The following SHISA9 variants were observed in gnomAD, a reference collection of about 807,000 sequenced individuals.
SHISA9 encodes the protein protein shisa-9.
A neutral mutation model predicts 38.0 loss-of-function variants in SHISA9; 13 were observed. The ratio of observed to expected loss-of-function variants is 0.34; its 90% confidence interval spans 0.22 to 0.54. The LOEUF (loss-of-function observed/expected upper bound fraction) is 0.54. Ranked by LOEUF, SHISA9 falls within the 20% of genes least tolerant of loss-of-function variation. The probability of loss-of-function intolerance (pLI) is 0.91; values close to 1 mark genes in which losing one functional copy is unlikely to be tolerated. For synonymous variants in SHISA9, 275 were observed against 242.0 expected (o/e 1.14, Z -1.27); for missense variants, 538 against 575.8 (o/e 0.93, Z 0.67).
the SHISA9 span, among the ~76,000 whole-genome samples, chr16:13,285,261 T>C: frequency 6.6e-6 from 1 of 152,190 alleles, no homozygotes; most frequent in East Asian, 1.9e-4. Context: ...CATGATTTGT[T>C]TACTGTACTT....
At position 13,002,989 on chromosome 16, in the gene SHISA9, C is replaced by A. The variant is rs147137714; in HGVS notation, c.691+86174C>A. On this transcript the variant is annotated intron_variant, in intron 2 of 4. Transcript: ENST00000558583. ...TGAACATTAGAGATGGGAAGGCCAT[C>A]AAAAAAAAGCTTCCTTAAGATGATA... 4.8e-3 allele frequency among the ~76,000 whole-genome samples: 724 copies of A among 151,726 alleles called. 17 individuals are homozygous for A. Among genetic ancestry groups the A allele is most frequent in the Admixed American group, 0.039 (602 of 15,242 alleles).
chr16:13,062,244 G>A (rs868678042), intron 2 of SHISA9, among the ~76,000 whole-genome samples: 1 of 152,094 alleles, frequency 6.6e-6, no homozygotes, highest in Admixed American at 6.5e-5. Flanking sequence ...GGAGTCCTGT[G>A]TCTCTAGTTG....
At chr16:13,435,681 C>T in the SHISA9 span, among the ~76,000 whole-genome samples, 43 of 152,304 alleles carry the variant, frequency 2.8e-4, no homozygotes, top group South Asian at 4.1e-4. Flanking sequence ...TCTGCCCACA[C>T]GCAGCAAGCC....
In SHISA9 at chr16:13,235,319, C is replaced by A; in HGVS notation, c.1185C>A (p.Gly395=). ...NKGKLGTAET[G]SSDPLGTRPQ... is the part of the protein sequence containing the mutation. ...GCAAGCTTGGCACGGCCGAGACAGG[C>A]TCCAGCGACCCCTTGGGAACTCGCC... The change falls in exon 5 of 5, where the codon GGC becomes GGA. Residue 395 remains glycine, a synonymous_variant. Coordinates refer to ENST00000558583, the MANE Select transcript of SHISA9 (RefSeq NM_001145204.3). 2 of 1,549,234 alleles carry A rather than the reference C, an allele frequency of 1.3e-6. No individual in the cohort carries two copies. The highest frequency in any genetic ancestry group is 1.7e-6 in the Non-Finnish European group (2 of 1,146,998).
chr16:13,453,499 G>A, the SHISA9 span, among the ~76,000 whole-genome samples: 1 of 152,116 alleles, frequency 6.6e-6, no homozygotes, highest in Non-Finnish European at 1.5e-5. Context: ...CCCTGCCATG[G>A]TCATGAGAAC....
chr16:13,178,117 C>G (rs1445076056), intron 2 of SHISA9, among the ~76,000 whole-genome samples: 1 of 152,168 alleles, frequency 6.6e-6, no homozygotes, highest in Non-Finnish European at 1.5e-5. Flanking sequence ...GGTGCTTGAA[C>G]TTGAAGAACA....
chr16:13,172,703 C>A (rs1161388517), intron 2 of SHISA9, among the ~76,000 whole-genome samples: 3 of 149,764 alleles, frequency 2.0e-5, no homozygotes, highest in African/African-American at 7.4e-5. Context: ...GTACCAAGAA[C>A]AATCATATGA....
chr16:13,200,445 A>ACACACAC (rs1444256867), intron 2 of SHISA9, among the ~76,000 whole-genome samples: 154 of 100,848 alleles, frequency 1.5e-3, no homozygotes, highest in African/African-American at 5.8e-3. Context: ...CACACACAGC[A>ACACACAC]GCAGCAGCAG....
chr16:13,055,594 A>G (rs375113850), intron 2 of SHISA9, among the ~76,000 whole-genome samples: 10 of 152,242 alleles, frequency 6.6e-5, no homozygotes, highest in African/African-American at 2.2e-4. Context: ...ACTTTGTCAG[A>G]CCCATTGAAG....
intron 2 of SHISA9, among the ~76,000 whole-genome samples, chr16:13,169,299 A>G (rs1415201372): frequency 6.6e-6 from 1 of 152,228 alleles, no homozygotes; most frequent in Non-Finnish European, 1.5e-5. Flanking sequence ...AGTGAAAACA[A>G]CACCATTTGC....
chr16:13,072,102 G>A (rs201821363), intron 2 of SHISA9, among the ~76,000 whole-genome samples: 6 of 152,332 alleles, frequency 3.9e-5, no homozygotes, highest in East Asian at 3.9e-4. Flanking sequence ...CAGCTCAGTC[G>A]CTTTGGAAGG....
At chr16:13,234,253 T>C (rs1180858296) in intron 4 of SHISA9, among the ~76,000 whole-genome samples, 1 of 152,154 alleles carries the variant, frequency 6.6e-6, no homozygotes, top group East Asian at 1.9e-4. Context: ...CATGAAGAAA[T>C]GCTTGATAGA....
At chr16:13,416,791 G>GGGAAGGAAGGAA in the SHISA9 span, among the ~76,000 whole-genome samples, 25 of 73,036 alleles carry the variant, frequency 3.4e-4, no homozygotes, top group African/African-American at 1.2e-3. Context: ...AAGGAAGGAA[G>GGGAAGGAAGGAA]GGAAGGAAGG....
chr16:13,314,835 T>C, the SHISA9 span, among the ~76,000 whole-genome samples: 1 of 152,112 alleles, frequency 6.6e-6, no homozygotes. Flanking sequence ...GGAAAGGAAA[T>C]GGGGAGTTGT....
intron 2 of SHISA9, among the ~76,000 whole-genome samples, chr16:12,926,174 T>C (rs1317307995): frequency 6.6e-6 from 1 of 152,216 alleles, no homozygotes; most frequent in African/African-American, 2.4e-5. Flanking sequence ...ACCACAGACA[T>C]GAACTATGTC....
chr16:13,532,123 C>T, the SHISA9 span, among the ~76,000 whole-genome samples: 2 of 152,208 alleles, frequency 1.3e-5, no homozygotes, highest in African/African-American at 2.4e-5. Flanking sequence ...CCTGTCAGCA[C>T]GAAGAGAATG....
At chr16:13,548,670 C>T in the SHISA9 span, among the ~76,000 whole-genome samples, 3 of 152,060 alleles carry the variant, frequency 2.0e-5, no homozygotes, top group African/African-American at 4.8e-5. Flanking sequence ...TATCACTTCA[C>T]CCCAGTTAGA....
chr16:13,444,010 T>C, the SHISA9 span, among the ~76,000 whole-genome samples: 1 of 152,206 alleles, frequency 6.6e-6, no homozygotes, highest in Non-Finnish European at 1.5e-5. Flanking sequence ...ATCTGTGTTT[T>C]ACAAAACCAT....
At chr16:13,548,574 A>G in the SHISA9 span, among the ~76,000 whole-genome samples, 3 of 152,238 alleles carry the variant, frequency 2.0e-5, no homozygotes, top group African/African-American at 7.2e-5. Flanking sequence ...TCTCAAAACA[A>G]GACAAACAAG....
Sources: gnomAD v4.1 joint callset for allele counts (sites outside exome capture counted in the v4.1 genomes callset) on GRCh38, gnomAD v4.1.1 for gene constraint, MANE v1.5 for transcripts, NCBI Gene and HGNC (gene_info 2026-07-23, HGNC 2026-07-21) for gene names.